Variants in CCDC171 observed in about 807,000 individuals in gnomAD.
CCDC171 encodes coiled-coil domain containing 171.
CCDC171 carries 177 observed loss-of-function variants against 168.2 expected under a neutral mutation model. That is an observed-to-expected ratio of 1.05 (90% confidence interval 0.93 to 1.19). The LOEUF is 1.19. Among genes scored for constraint, CCDC171 ranks in the 50% most tolerant of loss-of-function variants. The pLI is 0.00. For synonymous variants in CCDC171, 687 were observed against 540.8 expected, an observed-to-expected ratio of 1.27 and a Z score of -3.75; for missense variants, 1,991 against 1,539.0, an observed-to-expected ratio of 1.29 and a Z score of -4.91.
At chr9:16,050,975 C>G (rs2133070840) in intron 1 of CCDC171, among the ~76,000 whole-genome samples, 1 of 152,252 alleles carries the variant, frequency 6.6e-6, no homozygotes, top group African/African-American at 2.4e-5. Context: ...GGTTCATCTG[C>G]TCATAACTTT....
At chr9:15,767,649 A>G (rs1166031465) in intron 18 of CCDC171, among the ~76,000 whole-genome samples, 1 of 151,658 alleles carries the variant, frequency 6.6e-6, no homozygotes. Flanking sequence ...ATTAGTGAGG[A>G]CAGTTAAAGA....
At chr9:15,779,313 C>T (rs1270716011) in intron 20 of CCDC171, among the ~76,000 whole-genome samples, 163 bp downstream of exon 20, 2 of 152,092 alleles carry the variant, frequency 1.3e-5, no homozygotes, top group Non-Finnish European at 2.9e-5. Flanking sequence ...TAAAATGCCT[C>T]TAATTGCTGA....
intron 21 of CCDC171, among the ~76,000 whole-genome samples, chr9:15,787,145 G>A (rs965778942): frequency 4.6e-5 from 7 of 151,998 alleles, no homozygotes; most frequent in African/African-American, 1.7e-4. Flanking sequence ...CATTTAGGGT[G>A]TATTTTGATG....
intron 10 of CCDC171, among the ~76,000 whole-genome samples, chr9:15,686,086 T>C (rs1406575774): frequency 6.6e-6 from 1 of 152,196 alleles, no homozygotes; most frequent in Non-Finnish European, 1.5e-5. Context: ...GATTGAGCTC[T>C]ATACTTGAAA....
intron 23 of CCDC171, among the ~76,000 whole-genome samples, chr9:15,855,839 C>T (rs564247118): frequency 6.6e-6 from 1 of 152,026 alleles, no homozygotes; most frequent in South Asian, 2.1e-4. Context: ...CATCCTTTCT[C>T]TTCATGTTGT....
intron 8 of CCDC171, among the ~76,000 whole-genome samples, chr9:15,657,628 A>G (rs144320393): frequency 4.6e-5 from 7 of 152,280 alleles, no homozygotes; most frequent in Admixed American, 2.0e-4. Flanking sequence ...TGCATATCCT[A>G]TGCATATCAC....
chr9:15,596,872 G>A (rs544584865), intron 6 of CCDC171, among the ~76,000 whole-genome samples: 2 of 152,288 alleles, frequency 1.3e-5, no homozygotes, highest in South Asian at 4.1e-4. Flanking sequence ...TCCCTTGTAA[G>A]TTGGATTCCT....
rs940082881 is a variant in CCDC171, at chr9:15,748,467, A to G, written c.2671+2836A>G. ...GCCAACATTCAATTTCAGGAAGTAC[A>G]GAGAACACCACAAAGATATTCCTCG... On this transcript the variant is annotated intron_variant, in intron 18 of 25. Coordinates refer to ENST00000380701, the MANE Select transcript of CCDC171 (RefSeq NM_173550.4). Among the ~76,000 whole-genome samples, 7 of 152,336 alleles carry G rather than the reference A, an allele frequency of 4.6e-5. No homozygotes were observed. The East Asian group carries it at 9.6e-4, about 21-fold the overall frequency.
intron 25 of CCDC171, among the ~76,000 whole-genome samples, chr9:15,932,098 T>A (rs1826595814): frequency 1.3e-5 from 2 of 152,006 alleles, no homozygotes; most frequent in South Asian, 4.1e-4. Context: ...TTTGTGTGTG[T>A]ATGTGGTCTC....
intron 7 of CCDC171, among the ~76,000 whole-genome samples, chr9:15,656,516 T>A (rs1288341302): frequency 6.6e-6 from 1 of 152,188 alleles, no homozygotes; most frequent in East Asian, 1.9e-4. Flanking sequence ...GATAAACCAA[T>A]TGTGGTCTAT....
intron 11 of CCDC171, among the ~76,000 whole-genome samples, chr9:15,700,640 AT>A (rs928891974): frequency 1.6e-4 from 24 of 151,240 alleles, no homozygotes; most frequent in African/African-American, 4.6e-4. Flanking sequence ...TCTTTTATTT[AT>A]TTTTTTTATT....
In CCDC171 at chr9:15,806,639, T is replaced by G. The variant is rs144239479; in HGVS notation, c.3267+21945T>G. Among the ~76,000 whole-genome samples the G allele has an allele frequency of 1.8e-3, 269 of 152,134 alleles. 2 individuals are homozygous for G. Among genetic ancestry groups the G allele is most frequent in the African/African-American group, 6.1e-3 (252 of 41,542 alleles). On this transcript the variant is annotated intron_variant, in intron 21 of 25. Coordinates refer to ENST00000380701, the MANE Select transcript of CCDC171 (RefSeq NM_173550.4). ...CTGATGAGGTGGCCTGCCCTTTTTC[T>G]CTAGCTAACTTTAACATTCTTTTTT...
intron 7 of CCDC171, among the ~76,000 whole-genome samples, chr9:15,635,546 G>A (rs901298316): frequency 1.3e-5 from 2 of 152,082 alleles, no homozygotes; most frequent in African/African-American, 2.4e-5. Context: ...AGCCATGCTG[G>A]CAGCTGATTA....
At chr9:15,954,590 CTG>C (rs1315046304) in intron 25 of CCDC171, among the ~76,000 whole-genome samples, 1 of 151,744 alleles carries the variant, frequency 6.6e-6, no homozygotes, top group Admixed American at 6.6e-5. Flanking sequence ...CCCTTAGACT[CTG>C]TTCACTTTTC....
the CCDC171 span, among the ~76,000 whole-genome samples, chr9:16,096,518 C>G: frequency 1.3e-5 from 2 of 152,142 alleles, no homozygotes; most frequent in African/African-American, 4.8e-5. Flanking sequence ...GACCCCTGTA[C>G]CTTGCTTTAT....
chr9:16,060,051 C>G (rs1833907900), intron 1 of CCDC171, among the ~76,000 whole-genome samples: 1 of 152,196 alleles, frequency 6.6e-6, no homozygotes, highest in Admixed American at 6.5e-5. Context: ...CCCAACCTCC[C>G]TTCCTTAATT....
At chr9:15,981,178 C>T (rs993102388) in intron 3 of CCDC171, among the ~76,000 whole-genome samples, 2 of 152,070 alleles carry the variant, frequency 1.3e-5, no homozygotes, top group African/African-American at 4.8e-5. Flanking sequence ...CATATCAAAA[C>T]CCTAACCCCC....
chr9:15,775,999 T>C (rs756603004), intron 18 of CCDC171, among the ~76,000 whole-genome samples: 5 of 152,168 alleles, frequency 3.3e-5, no homozygotes, highest in African/African-American at 4.8e-5. Context: ...TTGAATATTA[T>C]AGACAAAATA....
intron 4 of CCDC171, among the ~76,000 whole-genome samples, chr9:15,583,099 C>A (rs2041261450): frequency 6.6e-6 from 1 of 152,058 alleles, no homozygotes; most frequent in South Asian, 2.1e-4. Context: ...CCTAGGAGCC[C>A]ATCAACCAAT....
Sources: gnomAD v4.1 joint callset for allele counts (sites outside exome capture counted in the v4.1 genomes callset) on GRCh38, gnomAD v4.1.1 for gene constraint, MANE v1.5 for transcripts, NCBI Gene and HGNC (gene_info 2026-07-23, HGNC 2026-07-21) for gene names.